Variants in ZNF112 observed in about 807,000 individuals in gnomAD.
ZNF112 encodes the protein zinc finger protein 112 (Y14).
ZNF112 carries 37 observed loss-of-function variants against 77.7 expected under a neutral mutation model. That is an observed-to-expected ratio of 0.48 (90% confidence interval 0.37 to 0.63). The LOEUF (loss-of-function observed/expected upper bound fraction) is 0.63, where lower values mean the gene tolerates loss of function less well. Ranked by LOEUF, ZNF112 falls within the 20% of genes least tolerant of loss-of-function variation. The pLI is 0.00. For missense variants in ZNF112, 950 were observed against 1,077.4 expected (o/e 0.88, Z 1.66); for synonymous variants, 333 against 363.6 (o/e 0.92, Z 0.96).
At chr19:44,332,036 G>A (rs1485869633) in intron 3 of ZNF112, among the ~76,000 whole-genome samples, 1 of 152,140 alleles carries the variant, frequency 6.6e-6, no homozygotes, top group Non-Finnish European at 1.5e-5. Flanking sequence ...TGTGAGCCAG[G>A]CATGGTGACG....
intron 3 of ZNF112, among the ~76,000 whole-genome samples, chr19:44,332,927 CTTTA>C (rs777547415): frequency 2.7e-4 from 41 of 152,170 alleles, no homozygotes; most frequent in Non-Finnish European, 5.6e-4. Flanking sequence ...CACCTTGTTA[CTTTA>C]TTTAAATAAC....
rs752589599 is a variant in ZNF112, at chr19:44,327,911, C to T, written c.2246G>A (p.Gly749Glu). The change falls in exon 4 of 4, where the codon GGG (glycine) becomes GAG (glutamate). Residue 749 changes from glycine to glutamate, a missense_variant. Gly to Glu is a moderately conservative substitution (Grantham distance 98). Transcript: ENST00000354340. ...GCGCGAACTCTGACTAAAGCCCTTC[C>T]CACACATCTCACATTTATACGGTTT... ...RVKPYKCEMC[G>E]KGFSQSSRLE... 3.7e-6 allele frequency: 6 copies of T among 1,613,784 alleles called. No individual in the cohort carries two copies. In the Admixed American group the frequency reaches 6.7e-5, roughly 18 times the overall value.
chr19:44,337,200 T>C (rs1025477676), intron 2 of ZNF112, among the ~76,000 whole-genome samples: 5 of 146,166 alleles, frequency 3.4e-5, no homozygotes, highest in African/African-American at 1.2e-4. Context: ...CCTTCTTGTG[T>C]TTCTTCTTAT....
chr19:44,340,997 G>T (rs1205381040), intron 1 of ZNF112, among the ~76,000 whole-genome samples: 1 of 152,088 alleles, frequency 6.6e-6, no homozygotes, highest in Non-Finnish European at 1.5e-5. Flanking sequence ...TGCAGTGATG[G>T]GCACAGCTCT....
chr19:44,337,383 T>TAA (rs375883315), intron 2 of ZNF112, among the ~76,000 whole-genome samples: 4 of 31,936 alleles, frequency 1.3e-4, no homozygotes, highest in Non-Finnish European at 2.4e-4. Context: ...ATTTTATATA[T>TAA]AATAATATAT....
Position 44,327,899 on chromosome 19 carries a change from C to G in ZNF112, c.2258G>C (p.Ser753Thr). The change falls in exon 4 of 4, where the codon AGT (serine) becomes ACT (threonine). Residue 753 changes from serine (S) to threonine (T), a missense_variant. Coordinates refer to ENST00000354340, the MANE Select transcript of ZNF112 (RefSeq NM_013380.4). ...YKCEMCGKGF[S>T]QSSRLEAHRR... ...ATGTGCTTCAAGGCGCGAACTCTGACTAAAGCCCTTCCCACACATCTCACA... is the reference window on the plus strand; with the variant it reads ...ATGTGCTTCAAGGCGCGAACTCTGAGTAAAGCCCTTCCCACACATCTCACA... 2 of 1,614,096 alleles carry G rather than the reference C, an allele frequency of 1.2e-6. No individual in the cohort carries two copies. Among genetic ancestry groups the G allele is most frequent in the Non-Finnish European group, 1.7e-6 (2 of 1,179,998 alleles).
Position 44,329,703 on chromosome 19 carries a change from T to C in ZNF112, c.454A>G (p.Ile152Val), listed in dbSNP as rs951269141. The C allele has an allele frequency of 6.2e-7, 1 of 1,613,984 alleles. No homozygotes were observed. Among genetic ancestry groups the C allele is most frequent in the African/African-American group, 1.3e-5 (1 of 74,922 alleles). ...GAGCCATTCCCTATATGAGTGAATA[T>C]ATAGTTCTTATCTTCAGAAATCTGA... ...PVQISEDKNY[I>V]FTHIGNGSNY... Residue 152 changes from isoleucine to valine, a missense_variant, in exon 4 of 4, where the codon ATA becomes GTA. By Grantham distance (29) the Ile-to-Val change is conservative. Transcript: ENST00000354340.
chr19:44,353,599 C>T (rs1239184599), intron 1 of ZNF112, among the ~76,000 whole-genome samples: 15 of 151,618 alleles, frequency 9.9e-5, no homozygotes, highest in African/African-American at 2.7e-4. Flanking sequence ...CAGACACTTC[C>T]GCAAAGAAGA....
chr19:44,361,699 G>A (rs1970856286), intron 1 of ZNF112, among the ~76,000 whole-genome samples: 1 of 152,166 alleles, frequency 6.6e-6, no homozygotes, highest in African/African-American at 2.4e-5. Flanking sequence ...GTGTGATACA[G>A]TATGGTTGAT....
At chr19:44,348,128 T>C (rs941885894) in intron 1 of ZNF112, among the ~76,000 whole-genome samples, 8 of 152,184 alleles carry the variant, frequency 5.3e-5, no homozygotes, top group Non-Finnish European at 1.2e-4. Context: ...AGAATTTTTG[T>C]TTATTTTTAA....
chr19:44,353,791 T>C (rs1970735245), intron 1 of ZNF112, among the ~76,000 whole-genome samples: 1 of 152,088 alleles, frequency 6.6e-6, no homozygotes, highest in South Asian at 2.1e-4. Context: ...TTAGTGAGAA[T>C]GCAAAATGGT....
chr19:44,331,246 T>A (rs1046410438), intron 3 of ZNF112, among the ~76,000 whole-genome samples: 5 of 152,230 alleles, frequency 3.3e-5, no homozygotes, highest in Admixed American at 3.3e-4. Flanking sequence ...AAAAAAATTA[T>A]GGCACCTGTA....
intron 2 of ZNF112, among the ~76,000 whole-genome samples, chr19:44,339,688 C>T (rs906776751): frequency 3.3e-5 from 5 of 152,146 alleles, no homozygotes; most frequent in Admixed American, 6.6e-5. Context: ...ACTGTGAAGA[C>T]AACTGCTTTC....
At chr19:44,359,921 A>G (rs1002249864), upstream of ZNF112, among the ~76,000 whole-genome samples, 3 of 152,200 alleles carry the variant, frequency 2.0e-5, no homozygotes, top group Non-Finnish European at 4.4e-5. Context: ...GGCCACTGTA[A>G]TAACACTGAC....
At chr19:44,362,088 G>T (rs1331572521) in intron 1 of ZNF112, among the ~76,000 whole-genome samples, 2 of 152,130 alleles carry the variant, frequency 1.3e-5, no homozygotes, top group Non-Finnish European at 2.9e-5. Context: ...TACTGATCAG[G>T]TGTATCTTAT....
chr19:44,364,319 G>A (rs992635938), intron 1 of ZNF112, among the ~76,000 whole-genome samples: 1 of 152,040 alleles, frequency 6.6e-6, no homozygotes, highest in Non-Finnish European at 1.5e-5. Context: ...TTCTCCATGG[G>A]CTATATTAAC....
Position 44,329,048 on chromosome 19 carries a change from CT to C in ZNF112, c.1108del (p.Ser370ValfsTer43), listed in dbSNP as rs761758630. 6.8e-6 allele frequency: 11 copies of C among 1,613,698 alleles called. No homozygotes were observed. Among genetic ancestry groups the C allele is most frequent in the Non-Finnish European group, 7.6e-6 (9 of 1,179,962 alleles). On this transcript the variant is annotated frameshift_variant, in exon 4 of 4. Coordinates refer to ENST00000354340, the MANE Select transcript of ZNF112 (RefSeq NM_013380.4). LOFTEE classifies it high-confidence loss of function. ...KAFSHSLDLN[S>X]IFRVHTRDEP... Reference sequence around the variant, plus strand: ...ATCCCTAGTATGGACCCTAAAAATACTATTAAGGTCTAAGCTATGACTGAAG... The same window carrying C: ...ATCCCTAGTATGGACCCTAAAAATACATTAAGGTCTAAGCTATGACTGAAG...
intron 1 of ZNF112, among the ~76,000 whole-genome samples, chr19:44,365,290 C>T (rs1461499908): frequency 6.6e-6 from 1 of 151,918 alleles, no homozygotes; most frequent in Non-Finnish European, 1.5e-5. Context: ...ACCACCTCTA[C>T]AAAAGATACA....
intron 3 of ZNF112, among the ~76,000 whole-genome samples, chr19:44,335,338 T>C (rs1355102188): frequency 2.6e-5 from 4 of 152,210 alleles, no homozygotes; most frequent in Non-Finnish European, 4.4e-5. Context: ...TAGAGTATTA[T>C]GCATCCATTA....
Sources: allele counts gnomAD v4.1 joint callset (sites outside exome capture counted in the v4.1 genomes callset), GRCh38; gene constraint gnomAD v4.1.1; transcripts MANE v1.5; gene names NCBI Gene and HGNC (gene_info 2026-07-23, HGNC 2026-07-21).